Variants in METTL6 observed in about 807,000 individuals in gnomAD.
METTL6 encodes tRNA N(3)-cytidine methyltransferase METTL6.
METTL6 carries 22 observed loss-of-function variants against 26.4 expected under a neutral mutation model. That is an observed-to-expected ratio of 0.83 (90% confidence interval 0.59 to 1.19). The LOEUF (loss-of-function observed/expected upper bound fraction) is 1.19. Ranked by LOEUF, METTL6 falls within the 50% of genes most tolerant of loss-of-function variation. The pLI, the probability that METTL6 is intolerant of heterozygous loss-of-function variation, is 0.00. For synonymous variants in METTL6, 109 were observed against 116.2 expected (o/e 0.94, Z 0.40); for missense variants, 304 against 324.8 (o/e 0.94, Z 0.49).
downstream of METTL6, among the ~76,000 whole-genome samples, chr3:15,408,582 A>G (rs1485310190): frequency 2.2e-3 from 26 of 11,782 alleles, no homozygotes; most frequent in East Asian, 0.048. Context: ...TTTTTTTTCA[A>G]TTGGACACGG....
At chr3:15,396,909 CCCAG>C (rs1244011499) in intron 6 of METTL6, among the ~76,000 whole-genome samples, 4 of 152,178 alleles carry the variant, frequency 2.6e-5, no homozygotes, top group Non-Finnish European at 5.9e-5. Flanking sequence ...TGGGGTGCCT[CCCAG>C]TTAGGCTACT....
chr3:15,385,633 G>A (rs780499742), intron 6 of METTL6, among the ~76,000 whole-genome samples: 7 of 151,970 alleles, frequency 4.6e-5, no homozygotes, highest in Non-Finnish European at 8.8e-5. Flanking sequence ...AACCCCACTT[G>A]TTGACTGCTT....
downstream of METTL6, among the ~76,000 whole-genome samples, chr3:15,408,336 T>A (rs1233218023): frequency 6.6e-6 from 1 of 152,120 alleles, no homozygotes; most frequent in Non-Finnish European, 1.5e-5. Context: ...TCTGTATGTA[T>A]GTTAAGCTTC....
chr3:15,418,214 G>T (rs534798725), intron 3 of METTL6, among the ~76,000 whole-genome samples: 37 of 152,248 alleles, frequency 2.4e-4, no homozygotes, highest in Non-Finnish European at 4.7e-4. Context: ...CATCACCAGA[G>T]CCAGACTCAA....
rs1699943562 is a variant in METTL6 at position 15,411,059 on chromosome 3, A to ATTTTTTTGTATTTTTTT, written c.*196_*197insAAAAAAATACAAAAAAA. 5.9e-6 allele frequency: 3 copies of ATTTTTTTGTATTTTTTT among 511,436 alleles called. No individual in the cohort carries two copies. Among genetic ancestry groups the ATTTTTTTGTATTTTTTT allele is most frequent in the East Asian group, 7.3e-5 (2 of 27,324 alleles). The allele number at this position is 511,436 out of a possible 1,614,324, so 31.7% of individuals were successfully genotyped here. The stretch of plus-strand genomic sequence containing the variant: ...AGGCACTCGCCACTATGCCCAGCTA[A>ATTTTTTTGTATTTTTTT]TTTTTTTGTATTTTTAGTAGAGATG... On this transcript the variant is annotated 3_prime_UTR_variant, in exon 6 of 6. Transcript: ENST00000383790.
exon 7 of METTL6, chr3:15,383,139 A>C (rs1015363399): frequency 2.6e-5 from 4 of 152,224 alleles, no homozygotes; most frequent in Non-Finnish European, 4.4e-5. Context: ...TCCCTGGTAT[A>C]ATGAGTATTT....
At chr3:15,409,754 C>T (rs994685693), downstream of METTL6, among the ~76,000 whole-genome samples, 13 of 152,136 alleles carry the variant, frequency 8.5e-5, no homozygotes, top group Non-Finnish European at 1.3e-4. Context: ...GATATGGAGC[C>T]ATGGAGGGTT....
rs748494873 is a variant in METTL6 at position 15,425,007 on chromosome 3, T to C, written c.308A>G (p.Asn103Ser). Residue 103 changes from asparagine (N) to serine (S), a missense_variant, in exon 3 of 6, where the codon AAT (asparagine) becomes AGT (serine). Coordinates refer to ENST00000383790, the MANE Select transcript of METTL6 (RefSeq NM_152396.4). ...CLFPLLEEDP[N>S]IFAYACDFSP... ...AAAATCACAGGCATAGGCAAAGATA[T>C]TCGGATCTTCTTCTAAAAGTGGGAA... 3 of 1,614,040 alleles carry C rather than the reference T, an allele frequency of 1.9e-6. No individual in the cohort carries two copies. Among genetic ancestry groups the C allele is most frequent in the African/African-American group, 1.3e-5 (1 of 74,922 alleles).
At position 15,427,393 on chromosome 3, in the gene METTL6, C is replaced by T; in HGVS notation, c.-125+9G>A. 1 of 286,432 alleles carries T rather than the reference C, an allele frequency of 3.5e-6. No individual in the cohort carries two copies. The highest frequency in any genetic ancestry group is 6.8e-6 in the Non-Finnish European group (1 of 146,946). The allele number at this position is 286,432 out of a possible 1,614,324, so 17.7% of individuals were successfully genotyped here. On this transcript the variant is annotated intron_variant, in intron 1 of 5. Transcript: ENST00000383790. The stretch of plus-strand genomic sequence containing the variant: ...ATTCACCTGCAGGGCTAGGGCCAGG[C>T]GCACTCACCCCACAGCCAGCCCCAC...
downstream of METTL6, among the ~76,000 whole-genome samples, chr3:15,409,253 G>C (rs145502956): frequency 4.6e-5 from 7 of 152,324 alleles, no homozygotes; most frequent in East Asian, 1.4e-3. Flanking sequence ...TCCAGATGTA[G>C]TTGGAGTTGA....
chr3:15,414,935 T>TA (rs1224653986), intron 4 of METTL6: 30 of 1,149,584 alleles, frequency 2.6e-5, no homozygotes, highest in Non-Finnish European at 3.1e-5. Flanking sequence ...AATAAATAAA[T>TA]AAGTGTTAGA....
chr3:15,406,443 G>A (rs112728023), downstream of METTL6, among the ~76,000 whole-genome samples: 1,143 of 151,292 alleles, frequency 7.6e-3, 22 homozygotes, highest in African/African-American at 0.027. Context: ...CAATCTACTG[G>A]CTCATAGTTA....
At chr3:15,393,403 T>C (rs1009019794) in intron 6 of METTL6, among the ~76,000 whole-genome samples, 2 of 152,134 alleles carry the variant, frequency 1.3e-5, no homozygotes, top group African/African-American at 4.8e-5. Flanking sequence ...TGAGCTGAGA[T>C]GATGGGGTTT....
chr3:15,384,551 G>A (rs1387171633), intron 6 of METTL6: 1 of 156,336 alleles, frequency 6.4e-6, no homozygotes, highest in Non-Finnish European at 1.4e-5. Context: ...GACCAGCCTG[G>A]GCAACATAGC....
chr3:15,424,827 C>T lies in METTL6; in HGVS notation c.360+128G>A, dbSNP rs2061682328. 1.7e-5 allele frequency: 20 copies of T among 1,205,630 alleles called. 1 individual carries two copies. In the South Asian group the frequency reaches 2.7e-4, roughly 16 times the overall value. The allele number at this position is 1,205,630 out of a possible 1,614,324, so 74.7% of individuals were successfully genotyped here. ...TATATGTATGTAAGCAGGACAACTA[C>T]ATGTATGGTGACTATAGCTGGTTAG... On this transcript the variant is annotated intron_variant, in intron 3 of 5. Coordinates refer to ENST00000383790, the MANE Select transcript of METTL6 (RefSeq NM_152396.4).
At chr3:15,425,175 G>C in intron 2 of METTL6, 86 bp from the exon 3 acceptor site, 17 of 1,418,198 alleles carry the variant, frequency 1.2e-5, no homozygotes, top group Non-Finnish European at 1.7e-5. Flanking sequence ...AATATGAGAG[G>C]TCTCCGACCC....
Position 15,398,496 on chromosome 3 carries a change from A to T in METTL6, c.*11+12749T>A, listed in dbSNP as rs374086777. ...GGCATGAGCCACTGCAGCTGGCCCA[A>T]TGCTGAGAATTGATTTTCTTCGTTC... On this transcript the variant is annotated intron_variant, in intron 6 of 6. Coordinates refer to the METTL6 transcript ENST00000443029. 5.5e-4 allele frequency among the ~76,000 whole-genome samples: 84 copies of T among 152,272 alleles called. 1 individual carries two copies. The South Asian group carries it at 0.017, about 31-fold the overall frequency.
exon 7 of METTL6, chr3:15,382,123 T>A (rs1699094968): frequency 1.3e-5 from 2 of 151,396 alleles, no homozygotes; most frequent in Admixed American, 6.6e-5. Flanking sequence ...CAATCATGGC[T>A]CACTGCAACC....
intron 6 of METTL6, among the ~76,000 whole-genome samples, chr3:15,389,027 T>A (rs1159159981): frequency 6.7e-6 from 1 of 149,376 alleles, no homozygotes; most frequent in Non-Finnish European, 1.5e-5. Flanking sequence ...GCCCAGCTAA[T>A]TTTTTTTTTA....
Sources: gnomAD v4.1 joint callset for allele counts (sites outside exome capture counted in the v4.1 genomes callset) on GRCh38, gnomAD v4.1.1 for gene constraint, MANE v1.5 for transcripts, NCBI Gene and HGNC (gene_info 2026-07-23, HGNC 2026-07-21) for gene names.